The following NAALADL2 variants were observed in gnomAD, a reference collection of about 807,000 sequenced individuals.
NAALADL2 encodes N-acetylated alpha-linked acidic dipeptidase like 2, also known as inactive N-acetylated-alpha-linked acidic dipeptidase-like protein 2.
A neutral mutation model predicts 87.2 loss-of-function variants in NAALADL2; 76 were observed. That is an observed-to-expected ratio of 0.87 (90% confidence interval 0.72 to 1.05). NAALADL2 has a LOEUF of 1.05. NAALADL2 is among the 50% of genes least tolerant of loss of function. NAALADL2 has a pLI of 0.00. For synonymous variants in NAALADL2, 354 were observed against 331.0 expected (o/e 1.07, Z -0.75); for missense variants, 1,089 against 945.8 (o/e 1.15, Z -1.99).
intron 1 of NAALADL2, among the ~76,000 whole-genome samples, chr3:174,509,354 A>G (rs1288076169): frequency 6.7e-6 from 1 of 150,072 alleles, no homozygotes. Context: ...ATTTTCTCAT[A>G]GTGGGTGGAG....
intron 4 of NAALADL2, among the ~76,000 whole-genome samples, chr3:175,277,806 A>C (rs1402045820): frequency 1.3e-5 from 2 of 152,116 alleles, no homozygotes; most frequent in African/African-American, 4.8e-5. Flanking sequence ...ATCTCAGGAC[A>C]TTTATCATTC....
chr3:174,858,293 T>C (rs536217041), upstream of NAALADL2, among the ~76,000 whole-genome samples: 20 of 151,706 alleles, frequency 1.3e-4, no homozygotes, highest in East Asian at 3.9e-3. Context: ...AAAGTGGAGA[T>C]TGTTTTTTAT....
intron 6 of NAALADL2, among the ~76,000 whole-genome samples, chr3:175,457,653 G>C (rs1348210328): frequency 6.6e-6 from 1 of 151,568 alleles, no homozygotes; most frequent in African/African-American, 2.4e-5. Flanking sequence ...TGAGTAACTA[G>C]GACTAGAGGC....
intron 2 of NAALADL2, among the ~76,000 whole-genome samples, chr3:174,696,593 T>TAAAAAAA (rs62946360): frequency 1.7e-4 from 19 of 110,520 alleles, no homozygotes; most frequent in African/African-American, 5.0e-4. Context: ...TGTAGTTATC[T>TAAAAAAA]AAAAAAAAAA....
chr3:174,745,857 A>G (rs1734202857), intron 3 of NAALADL2, among the ~76,000 whole-genome samples: 1 of 151,340 alleles, frequency 6.6e-6, no homozygotes, highest in African/African-American at 2.4e-5. Context: ...ATTATCTCAA[A>G]GGCCTTCAAT....
intron 2 of NAALADL2, among the ~76,000 whole-genome samples, chr3:174,552,421 CAT>C (rs1712233964): frequency 6.6e-6 from 1 of 152,062 alleles, no homozygotes; most frequent in Non-Finnish European, 1.5e-5. Flanking sequence ...TAATGACAAA[CAT>C]ATCTATTTGG....
chr3:175,398,549 T>C (rs115408064), intron 5 of NAALADL2, among the ~76,000 whole-genome samples: 1 of 151,324 alleles, frequency 6.6e-6, no homozygotes. Flanking sequence ...ATAAGGAAGT[T>C]TTTGCAGAAA....
At chr3:175,419,968 T>TA (rs1449731362) in intron 5 of NAALADL2, among the ~76,000 whole-genome samples, 6 of 151,932 alleles carry the variant, frequency 3.9e-5, no homozygotes, top group African/African-American at 1.2e-4. Context: ...ATCTGAAGAA[T>TA]AAAAAATACT....
intron 10 of NAALADL2, among the ~76,000 whole-genome samples, chr3:175,578,196 C>T (rs1025105148): frequency 4.6e-5 from 7 of 152,026 alleles, no homozygotes; most frequent in African/African-American, 1.5e-4. Context: ...GAAGCCGAGA[C>T]GGGCAGATTG....
intron 3 of NAALADL2, among the ~76,000 whole-genome samples, chr3:174,824,768 T>A (rs561130825): frequency 6.6e-6 from 1 of 152,322 alleles, no homozygotes; most frequent in East Asian, 1.9e-4. Context: ...ATGTCTGTGC[T>A]TCGGTCACTT....
intron 3 of NAALADL2, among the ~76,000 whole-genome samples, chr3:174,827,806 C>T (rs1722169762): frequency 6.6e-6 from 1 of 152,150 alleles, no homozygotes; most frequent in Non-Finnish European, 1.5e-5. Flanking sequence ...TTTTTACCAT[C>T]CAATTGTAGC....
chr3:174,654,760 G>T (rs2108763254), intron 2 of NAALADL2, among the ~76,000 whole-genome samples: 1 of 152,178 alleles, frequency 6.6e-6, no homozygotes, highest in South Asian at 2.1e-4. Context: ...TTTTGAGATG[G>T]AGTCTTGCTC....
At position 174,896,584 on chromosome 3, in the gene NAALADL2, C is replaced by G. The variant is rs1487187315; in HGVS notation, c.43+37134C>G. Reference sequence around the variant, plus strand: ...GAAGAATCAATATTGTTAAAGTGTCCATACTACCAAAGCACTTTACAGATT... The same window carrying G: ...GAAGAATCAATATTGTTAAAGTGTCGATACTACCAAAGCACTTTACAGATT... On this transcript the variant is annotated intron_variant, in intron 1 of 13. Transcript: ENST00000454872. 2.0e-5 allele frequency among the ~76,000 whole-genome samples: 3 copies of G among 152,030 alleles called. No individual in the cohort carries two copies. In the East Asian group the frequency reaches 5.8e-4, roughly 29 times the overall value.
chr3:175,227,556 A>T (rs1223438711), intron 2 of NAALADL2, among the ~76,000 whole-genome samples: 1 of 152,066 alleles, frequency 6.6e-6, no homozygotes, highest in Non-Finnish European at 1.5e-5. Flanking sequence ...ATTATATTGC[A>T]GTTAATTCTT....
At chr3:174,673,289 A>C (rs573863790) in intron 2 of NAALADL2, among the ~76,000 whole-genome samples, 1 of 152,154 alleles carries the variant, frequency 6.6e-6, no homozygotes, top group African/African-American at 2.4e-5. Flanking sequence ...TGTAACTATA[A>C]TAAAAATTAA....
intron 2 of NAALADL2, among the ~76,000 whole-genome samples, chr3:175,129,758 T>C (rs952403380): frequency 6.6e-6 from 1 of 152,238 alleles, no homozygotes; most frequent in African/African-American, 2.4e-5. Flanking sequence ...TCTTGGCTAC[T>C]GTGAGTAATG....
At chr3:175,065,029 A>C (rs1173691566) in intron 1 of NAALADL2, among the ~76,000 whole-genome samples, 1 of 152,074 alleles carries the variant, frequency 6.6e-6, no homozygotes, top group Non-Finnish European at 1.5e-5. Context: ...ATATCAGAGT[A>C]AAAAGTGAGA....
At chr3:175,474,986 A>G (rs7349572) in intron 9 of NAALADL2, among the ~76,000 whole-genome samples, 104,016 of 151,506 alleles carry the variant, frequency 0.69, 37,844 homozygotes, top group East Asian at 0.9. Context: ...AGCATTATAA[A>G]CTGTAATTAT....
At chr3:175,497,202 G>A (rs913576280) in intron 9 of NAALADL2, among the ~76,000 whole-genome samples, 3 of 152,010 alleles carry the variant, frequency 2.0e-5, no homozygotes, top group African/African-American at 7.2e-5. Context: ...GCCTCCCCGA[G>A]TAGCTGAGAC....
Sources: allele counts gnomAD v4.1 joint callset (sites outside exome capture counted in the v4.1 genomes callset), GRCh38; gene constraint gnomAD v4.1.1; transcripts MANE v1.5; gene names NCBI Gene and HGNC (gene_info 2026-07-23, HGNC 2026-07-21).